The following NUMA1 variants were observed in gnomAD, a reference collection of about 807,000 sequenced individuals.
NUMA1 encodes nuclear mitotic apparatus protein 1.
A neutral mutation model predicts 237.1 loss-of-function variants in NUMA1; 62 were observed. That is an observed-to-expected ratio of 0.26 (90% confidence interval 0.21 to 0.32). The LOEUF is 0.32. NUMA1 is among the 10% of genes least tolerant of loss of function. The pLI is 1.00. For missense variants in NUMA1, 2,533 were observed against 2,666.5 expected (o/e 0.95, Z 1.10); for synonymous variants, 1,028 against 1,066.1 (o/e 0.96, Z 0.70).
intron 22 of NUMA1, 84 bp downstream of exon 22, chr11:72,005,951 T>A (rs1167464621): frequency 8.2e-7 from 1 of 1,212,312 alleles, no homozygotes; most frequent in African/African-American, 1.5e-5. Context: ...CTTGGATTTT[T>A]AAAAAGCTTT....
rs61756008 is a variant in NUMA1 at position 72,014,751 on chromosome 11, G to A, written c.2752C>T (p.Arg918Cys). Residue 918 changes from arginine (R) to cysteine (C), a missense_variant, in exon 15 of 27, where the codon CGC becomes TGC. Transcript: ENST00000393695. This position sits in a 1 kb window ranked among gnomAD's most constrained non-coding sequence, Gnocchi z 4.6. The stretch of plus-strand genomic sequence containing the variant: ...GCCTTGCGCACCAAGGTCTCCAAGC[G>A]GGCCACCTCTTTGCTGGTGGCAGCC... ...KMAATSKEVA[R>C]LETLVRKAGE... The A allele has an allele frequency of 5.5e-3, 8,889 of 1,614,136 alleles. 36 individuals carry two copies. Among genetic ancestry groups the A allele is most frequent in the Non-Finnish European group, 6.6e-3 (7,821 of 1,180,052 alleles).
chr11:72,003,319 A>G lies in NUMA1; in HGVS notation c.*208T>C, dbSNP rs1955388273. The stretch of plus-strand genomic sequence containing the variant: ...GGTAGGGAGAGCGCCCACACTGTCC[A>G]TGCTCCAGGCCCCCTGGGCCAGCTC... On this transcript the variant is annotated 3_prime_UTR_variant, in exon 27 of 27. Coordinates refer to ENST00000393695, the MANE Select transcript of NUMA1 (RefSeq NM_006185.4). 3 of 605,442 alleles carry G rather than the reference A, an allele frequency of 5.0e-6. No individual in the cohort carries two copies. The highest frequency in any genetic ancestry group is 4.1e-5 in the South Asian group (2 of 49,000). The allele number at this position is 605,442 out of a possible 1,614,324, so 37.5% of individuals were successfully genotyped here. A position where few individuals can be genotyped will look rare whatever the true frequency, so the allele number is the denominator to read the frequency against.
chr11:72,071,123 C>T (rs925756524), intron 1 of NUMA1, among the ~76,000 whole-genome samples: 3 of 152,214 alleles, frequency 2.0e-5, no homozygotes, highest in African/African-American at 7.2e-5. Context: ...CAAATCACAG[C>T]TTATCTAACC....
At chr11:72,045,823 T>G (rs1369936242) in intron 2 of NUMA1, among the ~76,000 whole-genome samples, 2 of 151,976 alleles carry the variant, frequency 1.3e-5, no homozygotes, top group Non-Finnish European at 2.9e-5. Context: ...CTCCAGAAAA[T>G]GTATAAGGTG....
At position 72,016,526 on chromosome 11, in the gene NUMA1, C is replaced by T. The variant is rs765664974; in HGVS notation, c.1124G>A (p.Cys375Tyr). Residue 375 changes from cysteine to tyrosine, a missense_variant, in exon 14 of 27, where the codon TGC (cysteine) becomes TAC (tyrosine). Transcript: ENST00000393695. ...ELSAALQDKK[C>Y]LEEKNEILQG... Reference sequence around the variant, plus strand: ...AAGGATTTCGTTCTTCTCTTCAAGGCATTTCTGGGAGTAAATGAGACCCAT... The same window carrying T: ...AAGGATTTCGTTCTTCTCTTCAAGGTATTTCTGGGAGTAAATGAGACCCAT... 5.0e-6 allele frequency: 8 copies of T among 1,613,610 alleles called. No individual in the cohort carries two copies. In the Admixed American group the frequency reaches 6.7e-5, roughly 13 times the overall value.
In NUMA1 at chr11:72,015,348, C is replaced by T; in HGVS notation, c.2155G>A (p.Glu719Lys). 1 of 1,613,266 alleles carries T rather than the reference C, an allele frequency of 6.2e-7. No homozygotes were observed. ...ESLKVTKGSL[E>K]EEKRRAADAL... Reference sequence around the variant, plus strand: ...TCTGCAGCCCTGCGCTTCTCCTCTTCAAGGCTGCCCTTGGTGACCTTCAAG... The same window carrying T: ...TCTGCAGCCCTGCGCTTCTCCTCTTTAAGGCTGCCCTTGGTGACCTTCAAG... Residue 719 changes from glutamate to lysine, a missense_variant, in exon 15 of 27, where the codon GAA becomes AAA. This residue lies in a region of NUMA1 where 1,414 missense variants were observed against 1,508.1 expected (regional missense o/e 0.94). Coordinates refer to ENST00000393695, the MANE Select transcript of NUMA1 (RefSeq NM_006185.4). This position sits in a 1 kb window ranked among gnomAD's most constrained non-coding sequence, Gnocchi z 4.0.
At chr11:72,003,701 T>C (rs1048696593) in intron 26 of NUMA1, 163 bp from the exon 27 acceptor site, 10 of 1,034,186 alleles carry the variant, frequency 9.7e-6, no homozygotes, top group Non-Finnish European at 1.5e-5. Context: ...CTCTGGGTGC[T>C]CTCCATGAGA....
At chr11:72,064,897 T>C (rs1158998884) in intron 2 of NUMA1, among the ~76,000 whole-genome samples, 1 of 152,180 alleles carries the variant, frequency 6.6e-6, no homozygotes, top group Non-Finnish European at 1.5e-5. Context: ...TTTGAAACTA[T>C]ATATACAAAT....
At chr11:72,063,544 T>C (rs1455425953) in intron 2 of NUMA1, among the ~76,000 whole-genome samples, 1 of 141,340 alleles carries the variant, frequency 7.1e-6, no homozygotes, top group East Asian at 2.1e-4. Context: ...GCTAGGATGA[T>C]GGGTGTGAGC....
At chr11:72,017,192 C>A in intron 13 of NUMA1, 1 of 183,482 alleles carries the variant, frequency 5.5e-6, no homozygotes, top group Non-Finnish European at 1.2e-5. Flanking sequence ...GAGCAAGAAC[C>A]TGAAGCAGAT....
chr11:72,055,990 ACACACAC>A (rs1942616644), intron 2 of NUMA1, among the ~76,000 whole-genome samples: 2 of 148,836 alleles, frequency 1.3e-5, no homozygotes, highest in Non-Finnish European at 3.0e-5. Flanking sequence ...ACACACACAC[ACACACAC>A]AATTAGCCAG....
chr11:72,005,453 GCCACCTA>G, intron 22 of NUMA1, 84 bp from the exon 23 acceptor site: 1 of 1,346,376 alleles, frequency 7.4e-7, no homozygotes. Flanking sequence ...AGCCTTTGCT[GCCACCTA>G]CCCCATAAAC....
chr11:72,015,551 T>C lies in NUMA1; in HGVS notation c.1952A>G (p.Lys651Arg). 6.2e-7 allele frequency: 1 copy of C among 1,613,610 alleles called. No homozygotes were observed. The highest frequency in any genetic ancestry group is 8.5e-7 in the Non-Finnish European group (1 of 1,180,036). The part of the protein sequence containing the change: ...AQREKAELSR[K>R]VEELQACVET... ...AACACAGGCCTGGAGTTCCTCCACC[T>C]TCCGGCTCAGCTCTGCCTTCTCCCG... The change falls in exon 15 of 27, where the codon AAG becomes AGG. Residue 651 changes from lysine (K) to arginine (R), a missense_variant. Transcript: ENST00000393695. The surrounding 1 kb of genome is among the most constrained non-coding windows in gnomAD (Gnocchi z 4.0).
chr11:72,010,976 G>A, intron 16 of NUMA1, 122 bp from the exon 17 acceptor site: 1 of 876,222 alleles, frequency 1.1e-6, no homozygotes, highest in South Asian at 1.5e-5. Flanking sequence ...ATAAACTCAG[G>A]CCCTTTCTCT....
At chr11:72,056,664 A>G (rs1208030611) in intron 2 of NUMA1, among the ~76,000 whole-genome samples, 8 of 148,374 alleles carry the variant, frequency 5.4e-5, no homozygotes, top group Admixed American at 4.1e-4. Flanking sequence ...AAAAAAAGGC[A>G]AGCCAAACTG....
Position 72,005,317 on chromosome 11 carries a change from A to G in NUMA1, c.5745T>C (p.Asp1915=). 2 of 1,608,404 alleles carry G rather than the reference A, an allele frequency of 1.2e-6. No homozygotes were observed. The highest frequency in any genetic ancestry group is 1.7e-6 in the Non-Finnish European group (2 of 1,177,428). Residue 1915 remains aspartate (D), a synonymous_variant, in exon 23 of 27, where the codon GAT becomes GAC. Transcript: ENST00000393695. ...GTCQDEPEQL[D]DWNRIAELQQ... Reference sequence around the variant, plus strand: ...GCAGCTCTGCAATGCGGTTCCAGTCATCCAGCTGCTCAGGCTCATCCTGGC... The same window carrying G: ...GCAGCTCTGCAATGCGGTTCCAGTCGTCCAGCTGCTCAGGCTCATCCTGGC...
At chr11:72,005,894 G>A (rs2134443321) in intron 22 of NUMA1, 141 bp downstream of exon 22, 2 of 709,920 alleles carry the variant, frequency 2.8e-6, no homozygotes, top group Non-Finnish European at 4.7e-6. Flanking sequence ...CCCTGAGGCT[G>A]CAGGAAGGAG....
intron 6 of NUMA1, among the ~76,000 whole-genome samples, chr11:72,022,793 C>A (rs1939061070): frequency 6.6e-6 from 1 of 151,906 alleles, no homozygotes. Context: ...CTGATTTCTG[C>A]CAGGTCTCCA....
At chr11:72,060,477 C>T (rs571988090) in intron 2 of NUMA1, among the ~76,000 whole-genome samples, 2 of 152,172 alleles carry the variant, frequency 1.3e-5, no homozygotes, top group African/African-American at 4.8e-5. Flanking sequence ...GATTCCATCT[C>T]TACAAAAATT....
Sources: gnomAD v4.1 joint callset for allele counts (sites outside exome capture counted in the v4.1 genomes callset) on GRCh38, gnomAD v4.1.1 for gene constraint, gnomAD v4.1.1 regional missense constraint, Gnocchi (gnomAD v3.1) non-coding constraint, MANE v1.5 for transcripts, NCBI Gene and HGNC (gene_info 2026-07-23, HGNC 2026-07-21) for gene names.